OPCML: variants seen among roughly 807,000 people sequenced by gnomAD.
The protein encoded by OPCML is opioid binding protein/cell adhesion molecule like, also known as opioid-binding protein/cell adhesion molecule.
In OPCML, 13 loss-of-function variants were observed where a neutral mutation model predicts 37.8. The observed-to-expected ratio is 0.34, with a 90% CI of 0.22 to 0.55. The LOEUF (loss-of-function observed/expected upper bound fraction) is 0.55, where lower values mean the gene tolerates loss of function less well. OPCML is among the 20% of genes least tolerant of loss of function. OPCML has a pLI of 0.91. For missense variants in OPCML, 341 were observed against 435.6 expected (o/e 0.78, Z 1.93); for synonymous variants, 176 against 168.8 (o/e 1.04, Z -0.33).
chr11:132,697,752 A>G (rs944738406), intron 2 of OPCML, among the ~76,000 whole-genome samples: 1 of 151,722 alleles, frequency 6.6e-6, no homozygotes, highest in Non-Finnish European at 1.5e-5. Context: ...ATATCTCTTC[A>G]CAATACTGAT....
rs1565543257 is a variant in OPCML at position 132,417,282 on chromosome 11, C to CA, written c.*2910_*2911insT. On this transcript the variant is annotated 3_prime_UTR_variant, in exon 8 of 8. Coordinates refer to ENST00000524381, the MANE Select transcript of OPCML (RefSeq NM_001012393.5). ...GGGTGACAGCCACTCTCCCATGAAG[C>CA]CATCCCCACCAAAGAAACACAAAAA... is the stretch of plus-strand genomic sequence containing the variant. 7.2e-5 allele frequency: 11 copies of CA among 152,308 alleles called. No individual in the cohort carries two copies. Among genetic ancestry groups the CA allele is most frequent in the African/African-American group, 2.4e-4 (10 of 41,552 alleles). 9.4% of individuals were successfully genotyped at this position (152,308 alleles called of 1,614,324 possible). A position where few individuals can be genotyped will look rare whatever the true frequency, so the allele number is the denominator to read the frequency against.
chr11:133,409,590 T>A (rs1945601324), intron 1 of OPCML, among the ~76,000 whole-genome samples: 1 of 152,202 alleles, frequency 6.6e-6, no homozygotes, highest in Non-Finnish European at 1.5e-5. Context: ...GAGAGTTTTC[T>A]ACCAACCGTA....
At chr11:132,580,930 A>G (rs536969695) in intron 3 of OPCML, among the ~76,000 whole-genome samples, 7 of 152,118 alleles carry the variant, frequency 4.6e-5, no homozygotes, top group Admixed American at 1.3e-4. Flanking sequence ...GAGATTTAAC[A>G]TGAGGGTAAG....
chr11:133,272,849 G>A (rs553366241), intron 1 of OPCML, among the ~76,000 whole-genome samples: 115 of 152,306 alleles, frequency 7.6e-4, no homozygotes, highest in Non-Finnish European at 1.3e-3. Flanking sequence ...ATCCAGACCC[G>A]GAGAAGCCAA....
At chr11:133,485,137 A>T (rs1947499998) in intron 1 of OPCML, among the ~76,000 whole-genome samples, 1 of 152,196 alleles carries the variant, frequency 6.6e-6, no homozygotes, top group Non-Finnish European at 1.5e-5. Flanking sequence ...TATCTTTTTA[A>T]AAATACAAAC....
At chr11:132,918,363 T>C (rs1944676216) in intron 2 of OPCML, among the ~76,000 whole-genome samples, 1 of 152,180 alleles carries the variant, frequency 6.6e-6, no homozygotes, top group African/African-American at 2.4e-5. Flanking sequence ...CTGCAAGTTC[T>C]TCTCACGTCC....
intron 1 of OPCML, among the ~76,000 whole-genome samples, chr11:133,216,570 T>C (rs1939594305): frequency 6.6e-6 from 1 of 152,204 alleles, no homozygotes; most frequent in Non-Finnish European, 1.5e-5. Context: ...TATTTTATAT[T>C]CATTATCTTA....
intron 1 of OPCML, chr11:133,422,470 A>T: frequency 1.0e-6 from 1 of 982,078 alleles, no homozygotes; most frequent in Non-Finnish European, 1.2e-6. Flanking sequence ...AGGAAGTCTT[A>T]CCCATGTTAG....
chr11:132,435,614 A>T (rs771318364), intron 7 of OPCML, among the ~76,000 whole-genome samples: 2 of 152,202 alleles, frequency 1.3e-5, no homozygotes, highest in African/African-American at 4.8e-5. Flanking sequence ...TGGATAGAGC[A>T]GCCACCTGAT....
chr11:132,876,623 A>C (rs1475198845), intron 2 of OPCML, among the ~76,000 whole-genome samples: 2 of 152,170 alleles, frequency 1.3e-5, no homozygotes, highest in African/African-American at 4.8e-5. Flanking sequence ...TTCCTGGCTT[A>C]TTCTATTAAG....
At chr11:132,975,529 C>CAAAAAAAAAAAA (rs56882175) in intron 1 of OPCML, among the ~76,000 whole-genome samples, 8 of 42,798 alleles carry the variant, frequency 1.9e-4, no homozygotes, top group Admixed American at 2.9e-4. Context: ...AGGTTTCAAG[C>CAAAAAAAAAAAA]AAAAAAAAAA....
intron 1 of OPCML, among the ~76,000 whole-genome samples, chr11:133,138,083 T>G (rs773668286): frequency 6.6e-6 from 1 of 152,170 alleles, no homozygotes; most frequent in Non-Finnish European, 1.5e-5. Flanking sequence ...GGTGGATTCC[T>G]CATGAATAGA....
At chr11:133,491,613 G>A (rs565072707) in intron 1 of OPCML, among the ~76,000 whole-genome samples, 8 of 152,288 alleles carry the variant, frequency 5.3e-5, no homozygotes, top group South Asian at 4.1e-4. Flanking sequence ...TAAGCTATGC[G>A]AGGAATCCCA....
At chr11:132,469,832 T>G (rs1169174076) in intron 4 of OPCML, among the ~76,000 whole-genome samples, 1 of 102,216 alleles carries the variant, frequency 9.8e-6, no homozygotes, top group Non-Finnish European at 1.9e-5. Context: ...TGTATGTGTG[T>G]GGGGGGCTGT....
chr11:132,789,424 G>A (rs554811194), intron 2 of OPCML, among the ~76,000 whole-genome samples: 1 of 152,322 alleles, frequency 6.6e-6, no homozygotes, highest in East Asian at 1.9e-4. Flanking sequence ...AAAGGTGATA[G>A]ATGCTTAGAA....
intron 2 of OPCML, among the ~76,000 whole-genome samples, chr11:132,768,775 C>T (rs1327241161): frequency 6.6e-6 from 1 of 152,040 alleles, no homozygotes; most frequent in Admixed American, 6.5e-5. Flanking sequence ...GCCAGCCAGG[C>T]CCCCAGCAAG....
chr11:133,019,957 C>T (rs1194159520), intron 1 of OPCML, among the ~76,000 whole-genome samples: 1 of 152,210 alleles, frequency 6.6e-6, no homozygotes, highest in Non-Finnish European at 1.5e-5. Context: ...GACCCTTTGT[C>T]ATAATTAACT....
At chr11:133,078,783 A>G (rs1030553223) in intron 1 of OPCML, among the ~76,000 whole-genome samples, 1 of 152,112 alleles carries the variant, frequency 6.6e-6, no homozygotes, top group African/African-American at 2.4e-5. Flanking sequence ...CGTGTATTTT[A>G]AGAATCTTGG....
At chr11:133,449,238 CT>C (rs1165322686) in intron 1 of OPCML, among the ~76,000 whole-genome samples, 1 of 152,162 alleles carries the variant, frequency 6.6e-6, no homozygotes, top group Non-Finnish European at 1.5e-5. Flanking sequence ...GATCAACAAG[CT>C]TTTTTCTGCA....
Sources: allele counts gnomAD v4.1 joint callset (sites outside exome capture counted in the v4.1 genomes callset), GRCh38; gene constraint gnomAD v4.1.1; transcripts MANE v1.5; gene names NCBI Gene and HGNC (gene_info 2026-07-23, HGNC 2026-07-21).